Variants in SCN9A observed in about 807,000 individuals in gnomAD.
SCN9A encodes the protein sodium voltage-gated channel alpha subunit 9.
Under a neutral mutation model 187.0 loss-of-function variants are expected in SCN9A, and 131 were observed. The observed-to-expected ratio is 0.70, with a 90% CI of 0.61 to 0.81. The LOEUF (loss-of-function observed/expected upper bound fraction) is 0.81, where lower values mean the gene tolerates loss of function less well. SCN9A is among the 30% of genes least tolerant of loss of function. The probability of loss-of-function intolerance (pLI) is 0.00; values close to 1 mark genes in which losing one functional copy is unlikely to be tolerated. For missense variants in SCN9A, 2,252 were observed against 2,396.6 expected (o/e 0.94, Z 1.26); for synonymous variants, 809 against 808.6 (o/e 1.00, Z -0.01).
At chr2:166,303,645 C>T (rs1479318151) in intron 6 of SCN9A, among the ~76,000 whole-genome samples, 1 of 152,108 alleles carries the variant, frequency 6.6e-6, no homozygotes, top group East Asian at 1.9e-4. Context: ...CATATAGTGA[C>T]ACCTTGTAAT....
At chr2:166,299,918 G>A (rs1472035783) in intron 7 of SCN9A, among the ~76,000 whole-genome samples, 2 of 150,784 alleles carry the variant, frequency 1.3e-5, no homozygotes, top group African/African-American at 5.0e-5. Flanking sequence ...GCCAGAAACT[G>A]AGAAGTCATC....
rs541426102 is a variant in SCN9A at position 166,210,072 on chromosome 2, G to C, written c.4399-5608C>G. On this transcript the variant is annotated intron_variant, in intron 24 of 26. Transcript: ENST00000642356. ...GGAACCAAGCCAAATGTCCAACAAT[G>C]ATAGACTGGATTAAGAAAATATGGC... Among the ~76,000 whole-genome samples the C allele has an allele frequency of 3.9e-5, 6 of 152,206 alleles. 1 individual carries two copies. The South Asian group carries it at 1.2e-3, about 32-fold the overall frequency.
intron 17 of SCN9A, among the ~76,000 whole-genome samples, chr2:166,270,605 T>G: frequency 6.6e-6 from 1 of 151,956 alleles, no homozygotes; most frequent in Non-Finnish European, 1.5e-5. Context: ...TAATTTAATC[T>G]TATGTATTTA....
rs548565032 is a variant in SCN9A, at chr2:166,332,598, C to T, written c.-50-20792G>A. Among the ~76,000 whole-genome samples the T allele has an allele frequency of 1.8e-4, 28 of 152,148 alleles. No homozygotes were observed. In the South Asian group the frequency reaches 5.8e-3, roughly 32 times the overall value. On this transcript the variant is annotated intron_variant, in intron 1 of 26. Transcript: ENST00000642356. ...TAATGCAGTCTGTAAATGCAGAATC[C>T]ATTTCAATATTGTTCCTATCATATT...
chr2:166,201,226 T>TATATACTATATACAGTATATAGTATAC (rs1693498537), intron 26 of SCN9A, among the ~76,000 whole-genome samples: 1 of 146,890 alleles, frequency 6.8e-6, no homozygotes, highest in Non-Finnish European at 1.5e-5. Flanking sequence ...ACACATACTA[T>TATATACTATATACAGTATATAGTATAC]ATATACTATA....
At chr2:166,301,124 T>C (rs1371841049) in intron 7 of SCN9A, 1 of 111,740 alleles carries the variant, frequency 8.9e-6, no homozygotes, top group Admixed American at 9.3e-5. Context: ...TCTTTTTTTG[T>C]ATTATTTTTT....
intron 13 of SCN9A, 96 bp downstream of exon 13, chr2:166,281,583 A>G: frequency 5.2e-6 from 6 of 1,162,768 alleles, no homozygotes; most frequent in Non-Finnish European, 6.1e-6. Context: ...TGGTCTCTGA[A>G]TTCTTCCTAA....
chr2:166,285,732 C>A (rs1292589861), intron 11 of SCN9A, among the ~76,000 whole-genome samples: 1 of 152,062 alleles, frequency 6.6e-6, no homozygotes, highest in Admixed American at 6.6e-5. Context: ...AAAACAGAAG[C>A]AATGGTTCAT....
Position 166,251,809 on chromosome 2 carries a change from G to A in SCN9A, c.3428C>T (p.Ala1143Val). 1 of 1,612,690 alleles carries A rather than the reference G, an allele frequency of 6.2e-7. No homozygotes were observed. Among genetic ancestry groups the A allele is most frequent in the South Asian group, 1.1e-5 (1 of 91,042 alleles). The change falls in exon 18 of 27, where the codon GCT becomes GTT. Residue 1143 changes from alanine to valine, a missense_variant. Ala to Val is a moderately conservative substitution (Grantham distance 64). Transcript: ENST00000642356. The part of the protein sequence containing the change: ...PLPGEGEEAE[A>V]EPMNSDEPEA... ...TGGCTCATCGGAATTCATAGGTTCA[G>A]CCTCTGCTTCTTCTCCTTCTCCAGG...
rs940742621 is a variant in SCN9A at position 166,370,537 on chromosome 2, C to T, written c.-51+5160G>A. ...CAGCCTGGGCGACAGAGCGAGACTC[C>T]GTCTCAAAAAAATAAAAAATAAAAA... On this transcript the variant is annotated intron_variant, in intron 1 of 26. Transcript: ENST00000642356. 6.1e-5 allele frequency among the ~76,000 whole-genome samples: 9 copies of T among 147,958 alleles called. No individual in the cohort carries two copies. The South Asian group carries it at 1.1e-3, about 17-fold the overall frequency.
intron 14 of SCN9A, among the ~76,000 whole-genome samples, chr2:166,279,203 A>G (rs1037556633): frequency 5.9e-5 from 9 of 152,172 alleles, no homozygotes; most frequent in African/African-American, 1.9e-4. Context: ...AGATAAATAG[A>G]AGGGAAGAAG....
chr2:166,333,772 T>C (rs565405762), intron 1 of SCN9A, among the ~76,000 whole-genome samples: 86 of 152,186 alleles, frequency 5.7e-4, no homozygotes, highest in African/African-American at 1.9e-3. Context: ...TCCTGTTCCA[T>C]TAAAGGATCA....
Position 166,297,025 on chromosome 2 carries a change from G to A in SCN9A, c.902-2363C>T, listed in dbSNP as rs556312193. ...ATCCTGGCTAACACAATGAAACCCC[G>A]TCTCTACTAAAAATACAAAAAAATA... is the stretch of plus-strand genomic sequence containing the variant. On this transcript the variant is annotated intron_variant, in intron 7 of 26. Coordinates refer to ENST00000642356, the MANE Select transcript of SCN9A (RefSeq NM_001365536.1). 6.6e-5 allele frequency among the ~76,000 whole-genome samples: 10 copies of A among 151,042 alleles called. No homozygotes were observed. In the South Asian group the frequency reaches 2.1e-3, roughly 32 times the overall value.
intron 1 of SCN9A, among the ~76,000 whole-genome samples, chr2:166,320,367 C>T (rs4076255): frequency 0.67 from 101,969 of 151,948 alleles, 35,499 homozygotes; most frequent in African/African-American, 0.86. Context: ...GTTACCTTCA[C>T]TGGGCTTGAA....
chr2:166,212,072 A>G (rs754053732), intron 24 of SCN9A, among the ~76,000 whole-genome samples: 3 of 152,244 alleles, frequency 2.0e-5, no homozygotes, highest in Non-Finnish European at 4.4e-5. Context: ...TTAATTGATA[A>G]AAAAGATACA....
At chr2:166,278,338 C>A in intron 14 of SCN9A, 25 bp from the exon 15 acceptor site, 1 of 1,535,742 alleles carries the variant, frequency 6.5e-7, no homozygotes, top group Non-Finnish European at 8.8e-7. Flanking sequence ...TAATGTTTTT[C>A]TGTTAATATT....
chr2:166,197,013 C>T lies in SCN9A; in HGVS notation c.*1659G>A, dbSNP rs1412286975. ...TAAATCCTCTTTCTTTTTAAATTGC[C>T]AGAACAACAAAAAATATGTGCTTTA... On this transcript the variant is annotated 3_prime_UTR_variant, in exon 27 of 27. Coordinates refer to ENST00000642356, the MANE Select transcript of SCN9A (RefSeq NM_001365536.1). 2 of 151,718 alleles carry T rather than the reference C, an allele frequency of 1.3e-5. No individual in the cohort carries two copies. Among genetic ancestry groups the T allele is most frequent in the Non-Finnish European group, 2.9e-5 (2 of 67,900 alleles). The allele number at this position is 151,718 out of a possible 1,614,324, so 9.4% of individuals were successfully genotyped here. A position where few individuals can be genotyped will look rare whatever the true frequency, so the allele number is the denominator to read the frequency against.
At chr2:166,373,862 A>C (rs1270389241) in intron 1 of SCN9A, among the ~76,000 whole-genome samples, 2 of 152,226 alleles carry the variant, frequency 1.3e-5, no homozygotes, top group African/African-American at 2.4e-5. Context: ...AACTAATAGG[A>C]ATAGAAATTG....
rs76620978 is a variant in SCN9A, at chr2:166,297,454, A to T, written c.902-2792T>A. Among the ~76,000 whole-genome samples the T allele has an allele frequency of 6.3e-3, 965 of 152,256 alleles. 8 individuals are homozygous for T. The highest frequency in any genetic ancestry group is 0.022 in the African/African-American group (904 of 41,540). ...ATAAAAAGAAATGAAGCATAGATACATACTATACCATGGATAAATTTTGAA... is the reference window on the plus strand; with the variant it reads ...ATAAAAAGAAATGAAGCATAGATACTTACTATACCATGGATAAATTTTGAA... On this transcript the variant is annotated intron_variant, in intron 7 of 26. Transcript: ENST00000642356.
Sources: allele counts gnomAD v4.1 joint callset (sites outside exome capture counted in the v4.1 genomes callset), GRCh38; gene constraint gnomAD v4.1.1; transcripts MANE v1.5; gene names NCBI Gene and HGNC (gene_info 2026-07-23, HGNC 2026-07-21).